TENM1: variants seen among roughly 807,000 people sequenced by gnomAD.
TENM1 encodes teneurin-1.
Under a neutral mutation model 174.8 loss-of-function variants are expected in TENM1, and 35 were observed. The ratio of observed to expected loss-of-function variants is 0.20; its 90% CI spans 0.15 to 0.27. The LOEUF (loss-of-function observed/expected upper bound fraction) is 0.27. TENM1 is among the 10% of genes least tolerant of loss of function. The probability of loss-of-function intolerance (pLI) is 1.00; values close to 1 mark genes in which losing one functional copy is unlikely to be tolerated. For missense variants in TENM1, 1,633 were observed against 2,130.1 expected, an observed-to-expected ratio of 0.77 and a Z score of 4.59; for synonymous variants, 781 against 798.7, an observed-to-expected ratio of 0.98 and a Z score of 0.37.
exon 19 of TENM1, chrX:124,503,676 C>T: frequency 8.3e-7 from 1 of 1,202,554 alleles, no homozygotes; most frequent in Non-Finnish European, 1.1e-6. Context: ...AAAGTCAGGG[C>T]ACGTTTCATA....
chrX:124,917,817 T>A (rs757379234), intron 1 of TENM1, among the ~76,000 whole-genome samples: 1 of 112,149 alleles, frequency 8.9e-6, no homozygotes, highest in Non-Finnish European at 1.9e-5. Context: ...CACTGGGTTA[T>A]GTGCTTTTCT....
intron 3 of TENM1, among the ~76,000 whole-genome samples, chrX:124,827,209 C>T (rs1464692473): frequency 9.0e-6 from 1 of 111,236 alleles, no homozygotes; most frequent in Non-Finnish European, 1.9e-5. Flanking sequence ...CACCACTACA[C>T]CTGGCTAATT....
the TENM1 span, among the ~76,000 whole-genome samples, chrX:125,002,579 T>A: frequency 3.8e-3 from 417 of 111,159 alleles, 1 homozygote; most frequent in African/African-American, 0.013. Flanking sequence ...CATCACAGAC[T>A]TGCCTTTAAC....
rs777903296 is a variant in TENM1, at chrX:124,477,168, G to A, written c.3949+4564C>T. ...AATAAAATGAAGATTTCCTGCCTGT[G>A]TCCCTTAAGGAAAATTTGGTGAAGT... On this transcript the variant is annotated intron_variant, in intron 22 of 31. Transcript: ENST00000422452. Among the ~76,000 whole-genome samples the A allele has an allele frequency of 2.8e-5, 3 of 107,602 alleles. No individual in the cohort carries two copies. In the East Asian group the frequency reaches 8.4e-4, roughly 30 times the overall value. The allele number at this position is 107,602 out of a possible 115,157, so 93.4% of individuals were successfully genotyped here.
At chrX:125,162,179 G>A in the TENM1 span, among the ~76,000 whole-genome samples, 4 of 112,141 alleles carry the variant, frequency 3.6e-5, no homozygotes, top group Non-Finnish European at 5.6e-5. Context: ...TCTAGATACT[G>A]TAGATGGAAG....
intron 1 of TENM1, among the ~76,000 whole-genome samples, chrX:124,933,478 G>T (rs1247382330): frequency 1.8e-5 from 2 of 112,039 alleles, no homozygotes; most frequent in African/African-American, 6.5e-5. Context: ...AATTTTTAAT[G>T]CAGTATTTCA....
intron 3 of TENM1, among the ~76,000 whole-genome samples, chrX:124,778,160 T>C (rs2148633278): frequency 8.8e-6 from 1 of 113,002 alleles, no homozygotes; most frequent in Non-Finnish European, 1.9e-5. Flanking sequence ...GACAGTTAAA[T>C]GCCTAGGCAG....
intron 3 of TENM1, among the ~76,000 whole-genome samples, chrX:124,800,963 G>A (rs969994723): frequency 8.9e-6 from 1 of 112,036 alleles, no homozygotes; most frequent in Non-Finnish European, 1.9e-5. Flanking sequence ...TTGTCTGAGA[G>A]ACTGTTATGA....
intron 14 of TENM1, among the ~76,000 whole-genome samples, chrX:124,556,694 C>G (rs910596919): frequency 1.4e-4 from 16 of 110,881 alleles, no homozygotes; most frequent in Non-Finnish European, 2.5e-4. Flanking sequence ...AAAGGGTACC[C>G]ATTTTTCTTC....
At chrX:124,582,776 C>T (rs2049358772) in intron 11 of TENM1, among the ~76,000 whole-genome samples, 2 of 112,033 alleles carry the variant, frequency 1.8e-5, no homozygotes, top group Non-Finnish European at 1.9e-5. Context: ...AGTTCCCTTT[C>T]CTAGTCAAAG....
chrX:125,175,698 G>T, the TENM1 span, among the ~76,000 whole-genome samples: 1 of 110,303 alleles, frequency 9.1e-6, no homozygotes, highest in Non-Finnish European at 1.9e-5. Flanking sequence ...ATACTAAGGA[G>T]GGCCACATAG....
chrX:124,511,233 G>T (rs2047576818), intron 18 of TENM1, among the ~76,000 whole-genome samples: 1 of 111,723 alleles, frequency 9.0e-6, no homozygotes, highest in Non-Finnish European at 1.9e-5. Context: ...TTCATCTTCT[G>T]GTGACAATAA....
At chrX:124,915,418 G>A (rs2057905164) in intron 1 of TENM1, among the ~76,000 whole-genome samples, 3 of 110,261 alleles carry the variant, frequency 2.7e-5, no homozygotes, top group South Asian at 3.8e-4. Flanking sequence ...CCAGCTACCC[G>A]GGAGGCTGAG....
the TENM1 span, among the ~76,000 whole-genome samples, chrX:125,112,401 A>G: frequency 2.7e-5 from 3 of 110,644 alleles, no homozygotes; most frequent in Non-Finnish European, 5.7e-5. Context: ...CAATAAGTCA[A>G]TGAACAAACA....
chrX:124,848,563 C>G (rs144541578), intron 3 of TENM1, among the ~76,000 whole-genome samples: 5,135 of 110,941 alleles, frequency 0.046, 271 homozygotes, highest in African/African-American at 0.16. Context: ...GTTTTCCTGT[C>G]AAAAATTAAA....
At chrX:124,539,042 C>T (rs1398677643) in intron 15 of TENM1, among the ~76,000 whole-genome samples, 5 of 111,330 alleles carry the variant, frequency 4.5e-5, no homozygotes, top group African/African-American at 1.6e-4. Flanking sequence ...TCTCAATGTC[C>T]TCCTGGAGGG....
chrX:124,510,931 CAAAT>C (rs1394978401), intron 18 of TENM1, among the ~76,000 whole-genome samples: 3 of 112,022 alleles, frequency 2.7e-5, no homozygotes, highest in African/African-American at 9.7e-5. Flanking sequence ...GTTGACTCAC[CAAAT>C]AGATTTCACA....
chrX:124,652,851 T>G (rs1379107108), intron 7 of TENM1, among the ~76,000 whole-genome samples: 1 of 112,239 alleles, frequency 8.9e-6, no homozygotes, highest in Admixed American at 9.5e-5. Flanking sequence ...GAATGCATTC[T>G]AATTCCGTTT....
chrX:124,802,377 C>T lies in TENM1; in HGVS notation c.536-65180G>A, dbSNP rs180751691. ...TCAGGTCCCTCTTCTTTAGGGCTGC[C>T]GCAGTTTGCTGGGGGTTCATTTCAG... On this transcript the variant is annotated intron_variant, in intron 3 of 31. Coordinates refer to ENST00000422452, the Ensembl canonical transcript of TENM1. Among the ~76,000 whole-genome samples the T allele has an allele frequency of 3.1e-4, 34 of 111,209 alleles. 1 individual carries two copies. In the East Asian group the frequency reaches 4.3e-3, roughly 14 times the overall value.
Sources: allele counts gnomAD v4.1 joint callset (sites outside exome capture counted in the v4.1 genomes callset), GRCh38; gene constraint gnomAD v4.1.1; transcripts MANE v1.5; gene names NCBI Gene and HGNC (gene_info 2026-07-23, HGNC 2026-07-21).